RCAN2: variants seen among roughly 807,000 people sequenced by gnomAD.
The protein encoded by RCAN2 is calcipressin-2.
Under a neutral mutation model 23.6 loss-of-function variants are expected in RCAN2, and 9 were observed. That is an observed-to-expected ratio of 0.38 (90% CI 0.23 to 0.67). The LOEUF (loss-of-function observed/expected upper bound fraction) is 0.67. RCAN2 is among the 30% of genes least tolerant of loss of function. RCAN2 has a pLI of 0.51. For synonymous variants in RCAN2, 109 were observed against 115.7 expected, an observed-to-expected ratio of 0.94 and a Z score of 0.37; for missense variants, 273 against 302.3, an observed-to-expected ratio of 0.90 and a Z score of 0.72.
chr6:46,283,623 T>C (rs1478847443), intron 2 of RCAN2, among the ~76,000 whole-genome samples: 3 of 152,190 alleles, frequency 2.0e-5, no homozygotes, highest in Non-Finnish European at 4.4e-5. Context: ...CTCAAGATAC[T>C]TTCTCTTTGT....
chr6:46,450,754 G>T (rs1767853925), intron 2 of RCAN2, among the ~76,000 whole-genome samples: 1 of 151,996 alleles, frequency 6.6e-6, no homozygotes, highest in South Asian at 2.1e-4. Flanking sequence ...TAGAAACCGA[G>T]AGTAGAATGG....
chr6:46,484,791 C>G (rs1768952841), intron 1 of RCAN2, among the ~76,000 whole-genome samples: 1 of 152,168 alleles, frequency 6.6e-6, no homozygotes, highest in Non-Finnish European at 1.5e-5. Context: ...TCTACCAGAT[C>G]CCCACCCACT....
chr6:46,370,408 C>T (rs557200662), intron 2 of RCAN2, among the ~76,000 whole-genome samples: 82 of 152,266 alleles, frequency 5.4e-4, no homozygotes, highest in African/African-American at 1.9e-3. Flanking sequence ...GAAGCTGCCC[C>T]TATGGAATGC....
chr6:46,377,315 C>G (rs1765503236), intron 2 of RCAN2, among the ~76,000 whole-genome samples: 5 of 152,176 alleles, frequency 3.3e-5, no homozygotes, highest in Admixed American at 3.3e-4. Flanking sequence ...CTCCAAAGAG[C>G]CTAGCAGAAA....
rs1191971553 is a variant in RCAN2 at position 46,457,415 on chromosome 6, G to A, written c.-2-437C>T. Among the ~76,000 whole-genome samples the A allele has an allele frequency of 3.9e-5, 6 of 152,132 alleles. No homozygotes were observed. The East Asian group carries it at 1.2e-3, about 29-fold the overall frequency. ...AATATTTTCCCCAATTTACAGATGG[G>A]AAAACAGGAAGAAAGCAATTAAGTA... On this transcript the variant is annotated intron_variant, in intron 1 of 4. Transcript: ENST00000371374.
intron 2 of RCAN2, among the ~76,000 whole-genome samples, chr6:46,415,145 G>C (rs909988586): frequency 6.6e-6 from 1 of 152,192 alleles, no homozygotes; most frequent in Non-Finnish European, 1.5e-5. Flanking sequence ...CATTAGGAAG[G>C]TGACCCTGGC....
rs144898843 is a variant in RCAN2 at position 46,287,469 on chromosome 6, A to G, written c.226-38573T>C. Among the ~76,000 whole-genome samples, 828 of 152,206 alleles carry G rather than the reference A, an allele frequency of 5.4e-3. 5 individuals carry two copies. The highest frequency in any genetic ancestry group is 0.018 in the African/African-American group (763 of 41,536). ...TCTTTTTCCCTCTGTGCTACCCCCC[A>G]CTTCCCAAAATACACACACGTCTTC... On this transcript the variant is annotated intron_variant, in intron 2 of 4. Transcript: ENST00000371374.
chr6:46,458,865 C>T (rs1470794166), intron 1 of RCAN2, among the ~76,000 whole-genome samples: 1 of 151,396 alleles, frequency 6.6e-6, no homozygotes, highest in African/African-American at 2.4e-5. Context: ...CTAGCATTTT[C>T]ATTAATAGTT....
At chr6:46,356,338 G>A (rs1257340081) in intron 2 of RCAN2, among the ~76,000 whole-genome samples, 1 of 152,112 alleles carries the variant, frequency 6.6e-6, no homozygotes. Flanking sequence ...GCTCTTTGTG[G>A]GGAGCTCTGT....
chr6:46,227,105 G>A (rs1231508428), intron 4 of RCAN2, among the ~76,000 whole-genome samples: 1 of 152,182 alleles, frequency 6.6e-6, no homozygotes, highest in Non-Finnish European at 1.5e-5. Flanking sequence ...ATTTGCACAT[G>A]TTGAACCAGC....
chr6:46,403,434 T>C lies in RCAN2; in HGVS notation c.225+53318A>G, dbSNP rs1766316313. Among the ~76,000 whole-genome samples the C allele has an allele frequency of 2.6e-5, 4 of 152,124 alleles. No individual in the cohort carries two copies. The South Asian group carries it at 8.3e-4, about 32-fold the overall frequency. Reference sequence around the variant, plus strand: ...CTAAAAAAACAAAATTAGCTGGGCATGGTGGCACATGCCTATAATCCCAGT... The same window carrying C: ...CTAAAAAAACAAAATTAGCTGGGCACGGTGGCACATGCCTATAATCCCAGT... On this transcript the variant is annotated intron_variant, in intron 2 of 4. Transcript: ENST00000371374.
rs148443774 is a variant in RCAN2 at position 46,317,714 on chromosome 6, C to G, written c.226-68818G>C. On this transcript the variant is annotated intron_variant, in intron 2 of 4. Transcript: ENST00000371374. ...TCTCCTGACCTTCTGATCTGCCCGC[C>G]TCGGCCTCCCAAAGTGTTGGGATTA... is the stretch of plus-strand genomic sequence containing the variant. Among the ~76,000 whole-genome samples, 1,342 of 152,268 alleles carry G rather than the reference C, an allele frequency of 8.8e-3. 18 individuals are homozygous for G. The highest frequency in any genetic ancestry group is 0.029 in the African/African-American group (1,224 of 41,540).
chr6:46,329,107 A>G (rs958812561), intron 2 of RCAN2, among the ~76,000 whole-genome samples: 2 of 152,140 alleles, frequency 1.3e-5, no homozygotes, highest in African/African-American at 2.4e-5. Context: ...CCAAAAAAAA[A>G]GAAAGAAACA....
intron 2 of RCAN2, among the ~76,000 whole-genome samples, chr6:46,253,176 T>A (rs2119815): frequency 0.77 from 117,834 of 152,136 alleles, 45,935 homozygotes; most frequent in Non-Finnish European, 0.81. Flanking sequence ...AATTGTGATT[T>A]TTGCCATTAC....
chr6:46,272,504 G>A (rs969066849), intron 2 of RCAN2, among the ~76,000 whole-genome samples: 3 of 152,096 alleles, frequency 2.0e-5, no homozygotes, highest in Non-Finnish European at 4.4e-5. Flanking sequence ...GGTTTATAGA[G>A]GTTTATTTCA....
intron 3 of RCAN2, among the ~76,000 whole-genome samples, chr6:46,247,196 G>A (rs1766544804): frequency 1.3e-5 from 2 of 152,106 alleles, no homozygotes; most frequent in Admixed American, 1.3e-4. Context: ...GATTCAGGAG[G>A]CCTGGGATGG....
intron 2 of RCAN2, among the ~76,000 whole-genome samples, chr6:46,429,061 T>C (rs1767114333): frequency 6.6e-6 from 1 of 152,210 alleles, no homozygotes; most frequent in Non-Finnish European, 1.5e-5. Flanking sequence ...CTTATGATAT[T>C]AATCACATGT....
intron 1 of RCAN2, among the ~76,000 whole-genome samples, chr6:46,484,680 G>A (rs1208176728): frequency 1.3e-5 from 2 of 152,244 alleles, no homozygotes; most frequent in African/African-American, 4.8e-5. Flanking sequence ...AGGTCTCACT[G>A]AGGCTGCTGT....
chr6:46,230,566 C>A (rs1185876380), intron 4 of RCAN2, among the ~76,000 whole-genome samples: 11 of 152,190 alleles, frequency 7.2e-5, no homozygotes, highest in Admixed American at 6.5e-4. Flanking sequence ...GGGCATGGCA[C>A]CCTCCAAGCC....
Sources: gnomAD v4.1 joint callset for allele counts (sites outside exome capture counted in the v4.1 genomes callset) on GRCh38, gnomAD v4.1.1 for gene constraint, MANE v1.5 for transcripts, NCBI Gene and HGNC (gene_info 2026-07-23, HGNC 2026-07-21) for gene names.